The following RARRES1 variants were observed in gnomAD, a reference collection of about 807,000 sequenced individuals.
RARRES1 encodes the protein retinoic acid receptor responder 1, also known as retinoic acid receptor responder protein 1.
A neutral mutation model predicts 30.6 loss-of-function variants in RARRES1; 34 were observed. The ratio of observed to expected loss-of-function variants is 1.11; its 90% confidence interval spans 0.84 to 1.48. The LOEUF is 1.48. Ranked by LOEUF, RARRES1 falls within the 40% of genes most tolerant of loss-of-function variation. The pLI, the probability that RARRES1 is intolerant of heterozygous loss-of-function variation, is 0.00. For missense variants in RARRES1, 373 were observed against 386.5 expected (o/e 0.97, Z 0.29); for synonymous variants, 153 against 155.5 (o/e 0.98, Z 0.12).
rs146850468 is a variant in RARRES1, at chr3:158,719,981, A to G, written c.277-6122T>C. Among the ~76,000 whole-genome samples the G allele has an allele frequency of 4.3e-3, 648 of 152,242 alleles. 2 individuals carry two copies. The highest frequency in any genetic ancestry group is 6.2e-3 in the Admixed American group (95 of 15,288). ...GTACTCTTACTGTGTGCCTCACCCG[A>G]CCCAACATAGTACCCATGTACTAAC... On this transcript the variant is annotated intron_variant, in intron 1 of 5. Coordinates refer to ENST00000237696, the MANE Select transcript of RARRES1 (RefSeq NM_206963.2).
At position 158,713,305 on chromosome 3, in the gene RARRES1, C is replaced by T. The variant is rs188600038; in HGVS notation, c.339+492G>A. 5.5e-3 allele frequency among the ~76,000 whole-genome samples: 832 copies of T among 152,184 alleles called. 9 individuals are homozygous for T. Among genetic ancestry groups the T allele is most frequent in the Non-Finnish European group, 5.4e-3 (364 of 67,994 alleles). On this transcript the variant is annotated intron_variant, in intron 2 of 5. Coordinates refer to ENST00000237696, the MANE Select transcript of RARRES1 (RefSeq NM_206963.2). ...ACAGGAAACTTGGCAAAACATGGTC[C>T]GCTTGGTCAAAGCTGTAGTGAGGCT...
At position 158,723,127 on chromosome 3, in the gene RARRES1, C is replaced by T. The variant is rs12107594; in HGVS notation, c.276+9013G>A. On this transcript the variant is annotated intron_variant, in intron 1 of 5. Transcript: ENST00000237696. The surrounding 1 kb of genome is among the most constrained non-coding windows in gnomAD (Gnocchi z 4.4). ...CTGGTCCTTCCTGTTGTGTTAGTGC[C>T]GGTTGTGACAACGTTAATTTCCTGT... Among the ~76,000 whole-genome samples the T allele has an allele frequency of 1.3e-5, 2 of 152,032 alleles. No individual in the cohort carries two copies. The highest frequency in any genetic ancestry group is 2.4e-5 in the African/African-American group (1 of 41,378).
At chr3:158,707,837 A>G (rs747849420) in intron 3 of RARRES1, among the ~76,000 whole-genome samples, 3 of 152,242 alleles carry the variant, frequency 2.0e-5, no homozygotes, top group Admixed American at 2.0e-4. Flanking sequence ...CTTATGTGAC[A>G]TGTATAAGTT....
chr3:158,732,392 C>T lies in RARRES1; in HGVS notation c.24G>A (p.Leu8=), dbSNP rs1392806740. MQPRRQR[L]PAPWSGPRGP... is the part of the protein sequence containing the mutation. The stretch of plus-strand genomic sequence containing the variant: ...CCCTGGGCCCGGACCAGGGAGCAGG[C>T]AGCCGTTGCCGGCGGGGCTGCATGG... Residue 8 remains leucine (L), a synonymous_variant, in exon 1 of 6, where the codon CTG becomes CTA. Coordinates refer to ENST00000237696, the MANE Select transcript of RARRES1 (RefSeq NM_206963.2). 2.0e-6 allele frequency: 3 copies of T among 1,507,890 alleles called. No individual in the cohort carries two copies. The highest frequency in any genetic ancestry group is 1.4e-5 in the African/African-American group (1 of 69,432). 93.4% of individuals were successfully genotyped at this position (1,507,890 alleles called of 1,614,324 possible). A position where few individuals can be genotyped will look rare whatever the true frequency, so the allele number is the denominator to read the frequency against.
chr3:158,698,023 T>C, intron 4 of RARRES1, 53 bp from the exon 5 acceptor site: 1 of 1,256,080 alleles, frequency 8.0e-7, no homozygotes, highest in Non-Finnish European at 1.1e-6. Context: ...TTTAGTGTAA[T>C]AACTATACAA....
chr3:158,728,528 T>G (rs1399503764), intron 1 of RARRES1, among the ~76,000 whole-genome samples: 6 of 148,102 alleles, frequency 4.1e-5, no homozygotes, highest in Non-Finnish European at 4.5e-5. Flanking sequence ...TTTTTTTTTT[T>G]TTTTTTGGTT....
Position 158,732,182 on chromosome 3 carries a change from G to A in RARRES1, c.234C>T (p.Ser78=), listed in dbSNP as rs1214363810. ...HFFNFRSGSP[S]ALRVLAEVQE... is the part of the protein sequence containing the mutation. ...GCACCTCGGCCAGCACTCGTAGCGC[G>A]CTGGGCGAGCCGGACCGGAAGTTGA... The change falls in exon 1 of 6, where the codon AGC becomes AGT. Residue 78 remains serine, a synonymous_variant. Transcript: ENST00000237696. The A allele has an allele frequency of 5.2e-5, 74 of 1,416,896 alleles. No homozygotes were observed. The highest frequency in any genetic ancestry group is 6.4e-5 in the Non-Finnish European group (70 of 1,091,822). 87.8% of individuals were successfully genotyped at this position (1,416,896 alleles called of 1,614,324 possible).
chr3:158,729,255 G>C (rs1727793443), intron 1 of RARRES1, among the ~76,000 whole-genome samples: 1 of 151,376 alleles, frequency 6.6e-6, no homozygotes, highest in Admixed American at 6.6e-5. Flanking sequence ...ACCTCTTTAA[G>C]ATTTATGTAA....
intron 1 of RARRES1, among the ~76,000 whole-genome samples, chr3:158,728,508 T>TTTTC (rs1204610949): frequency 7.1e-6 from 1 of 141,606 alleles, no homozygotes; most frequent in African/African-American, 2.7e-5. Flanking sequence ...CGTGGTTTCT[T>TTTTC]TTTCTTTCTT....
chr3:158,698,928 T>A (rs1726636834), intron 4 of RARRES1, among the ~76,000 whole-genome samples: 1 of 152,170 alleles, frequency 6.6e-6, no homozygotes, highest in South Asian at 2.1e-4. Flanking sequence ...CCTTCCCTTT[T>A]ACCAGACACT....
At chr3:158,730,046 G>A (rs1244186528) in intron 1 of RARRES1, among the ~76,000 whole-genome samples, 1 of 152,068 alleles carries the variant, frequency 6.6e-6, no homozygotes, top group Non-Finnish European at 1.5e-5. Flanking sequence ...AGATGGCCCG[G>A]CACGGTGGCT....
Position 158,732,060 on chromosome 3 carries a change from G to A in RARRES1, c.276+80C>T, listed in dbSNP as rs549091210. On this transcript the variant is annotated intron_variant, in intron 1 of 5. Coordinates refer to ENST00000237696, the MANE Select transcript of RARRES1 (RefSeq NM_206963.2). ...GGCGGACCATCCGTTGGGCCGGCAG[G>A]CGCGCGTACCCAGGTGTCACCTCCC... 4 of 1,226,758 alleles carry A rather than the reference G, an allele frequency of 3.3e-6. No individual in the cohort carries two copies. In the African/African-American group the frequency reaches 4.7e-5, roughly 15 times the overall value. The allele number at this position is 1,226,758 out of a possible 1,614,324, so 76.0% of individuals were successfully genotyped here. A position where few individuals can be genotyped will look rare whatever the true frequency, so the allele number is the denominator to read the frequency against.
chr3:158,717,462 T>G (rs1482718459), intron 1 of RARRES1, among the ~76,000 whole-genome samples: 2 of 152,154 alleles, frequency 1.3e-5, no homozygotes, highest in African/African-American at 4.8e-5. Flanking sequence ...GAAGAAGGAA[T>G]TGGTCTTGGT....
At chr3:158,715,979 A>C (rs115189252) in intron 1 of RARRES1, among the ~76,000 whole-genome samples, 1,648 of 152,310 alleles carry the variant, frequency 0.011, 34 homozygotes, top group African/African-American at 0.038. Context: ...TCAGCTTGCC[A>C]GTGGGTTCTA....
At chr3:158,728,207 G>GTT (rs201522790) in intron 1 of RARRES1, among the ~76,000 whole-genome samples, 22 of 136,262 alleles carry the variant, frequency 1.6e-4, no homozygotes, top group Non-Finnish European at 2.4e-4. Flanking sequence ...ATACTATTTC[G>GTT]TTTAAAAAAA....
intron 1 of RARRES1, among the ~76,000 whole-genome samples, chr3:158,716,789 G>C (rs571258046): frequency 1.3e-5 from 2 of 152,222 alleles, no homozygotes; most frequent in African/African-American, 4.8e-5. Context: ...TCACCGTGTT[G>C]CCCAGGCTGG....
intron 1 of RARRES1, among the ~76,000 whole-genome samples, chr3:158,728,526 T>TTTTTG (rs1727767141): frequency 1.3e-5 from 2 of 148,204 alleles, no homozygotes; most frequent in African/African-American, 5.0e-5. Flanking sequence ...CTTTTTTTTT[T>TTTTTG]TTTTTTTTGG....
At chr3:158,701,095 G>T (rs940565262) in intron 4 of RARRES1, among the ~76,000 whole-genome samples, 1 of 152,226 alleles carries the variant, frequency 6.6e-6, no homozygotes, top group Non-Finnish European at 1.5e-5. Context: ...CTGACTGATA[G>T]TGATGTGCTG....
At chr3:158,711,699 G>A (rs1008364375) in intron 2 of RARRES1, among the ~76,000 whole-genome samples, 4 of 149,926 alleles carry the variant, frequency 2.7e-5, no homozygotes, top group Non-Finnish European at 5.9e-5. Context: ...GGGTTCACGC[G>A]ATTCTCCTGC....
Sources: gnomAD v4.1 joint callset for allele counts (sites outside exome capture counted in the v4.1 genomes callset) on GRCh38, gnomAD v4.1.1 for gene constraint, Gnocchi (gnomAD v3.1) non-coding constraint, MANE v1.5 for transcripts, NCBI Gene and HGNC (gene_info 2026-07-23, HGNC 2026-07-21) for gene names.